The following TMEM177 variants were observed in gnomAD, a reference collection of about 807,000 sequenced individuals.
TMEM177 encodes transmembrane protein 177.
In TMEM177, 4 loss-of-function variants were observed where a neutral mutation model predicts 14.2. The observed-to-expected ratio is 0.28, with a 90% confidence interval of 0.14 to 0.64. TMEM177 has a LOEUF of 0.64. Ranked by LOEUF, TMEM177 falls within the 30% of genes least tolerant of loss-of-function variation. The pLI, the probability that TMEM177 is intolerant of heterozygous loss-of-function variation, is 0.82. For synonymous variants in TMEM177, 179 were observed against 174.5 expected (o/e 1.03, Z -0.20); for missense variants, 344 against 405.2 (o/e 0.85, Z 1.30).
At chr2:119,700,893 A>G in the TMEM177 span, among the ~76,000 whole-genome samples, 5 of 152,128 alleles carry the variant, frequency 3.3e-5, no homozygotes, top group African/African-American at 9.7e-5. Context: ...AGATCTTTAC[A>G]TGCATGCATT....
chr2:119,696,840 G>A, the TMEM177 span, among the ~76,000 whole-genome samples: 1 of 152,106 alleles, frequency 6.6e-6, no homozygotes, highest in Non-Finnish European at 1.5e-5. Context: ...GCAGGGAGAA[G>A]TGGAAATGAC....
the TMEM177 span, among the ~76,000 whole-genome samples, chr2:119,693,871 A>ACCACATATG: frequency 1.7e-3 from 1 of 574 alleles, no homozygotes; most frequent in Non-Finnish European, 3.5e-3. Flanking sequence ...CATGCCACAA[A>ACCACATATG]CACAACACAC....
At chr2:119,693,867 A>C in the TMEM177 span, among the ~76,000 whole-genome samples, 5 of 4,964 alleles carry the variant, frequency 1.0e-3, no homozygotes, top group Non-Finnish European at 2.1e-3. Context: ...ATCACATGCC[A>C]CAAACACAAC....
intron 1 of TMEM177, among the ~76,000 whole-genome samples, chr2:119,679,893 G>A (rs1688851436): frequency 2.0e-5 from 3 of 152,190 alleles, no homozygotes; most frequent in Non-Finnish European, 2.9e-5. Flanking sequence ...GCTTGCTAGA[G>A]CTGCCATGCC....
the TMEM177 span, among the ~76,000 whole-genome samples, chr2:119,715,270 C>G: frequency 6.6e-6 from 1 of 152,144 alleles, no homozygotes. Context: ...CACATGTAGT[C>G]TTAGCTCCTC....
At chr2:119,679,861 A>T (rs1688850690) in intron 1 of TMEM177, among the ~76,000 whole-genome samples, 2 of 152,228 alleles carry the variant, frequency 1.3e-5, no homozygotes, top group South Asian at 4.1e-4. Context: ...TTTGCTGTGG[A>T]CACCTGACTA....
chr2:119,699,269 G>T, the TMEM177 span, among the ~76,000 whole-genome samples: 2 of 152,124 alleles, frequency 1.3e-5, no homozygotes, highest in African/African-American at 4.8e-5. Context: ...CAAGATGGCA[G>T]GAAGAGAAGT....
chr2:119,710,225 C>T, the TMEM177 span, among the ~76,000 whole-genome samples: 5 of 152,214 alleles, frequency 3.3e-5, no homozygotes, highest in Non-Finnish European at 5.9e-5. Flanking sequence ...CCCAGCCTTG[C>T]CATCCCCTCA....
the TMEM177 span, among the ~76,000 whole-genome samples, chr2:119,717,248 T>G: frequency 6.6e-6 from 1 of 151,646 alleles, no homozygotes; most frequent in African/African-American, 2.4e-5. Flanking sequence ...GAGGATCGCT[T>G]GAACTCGGGA....
downstream of TMEM177, chr2:119,685,526 C>T (rs1409580823): frequency 1.6e-6 from 1 of 630,282 alleles, no homozygotes; most frequent in South Asian, 1.9e-5. Context: ...GTCTCCTCCC[C>T]ACCATGTCCC....
downstream of TMEM177, chr2:119,682,131 T>TTG (rs1330804177): frequency 8.4e-5 from 18 of 215,364 alleles, no homozygotes; most frequent in South Asian, 8.2e-4. Context: ...TGGTCGTTTT[T>TTG]TTTTTTTTTT....
At chr2:119,682,482 T>C (rs892436570), downstream of TMEM177, among the ~76,000 whole-genome samples, 1 of 152,170 alleles carries the variant, frequency 6.6e-6, no homozygotes, top group African/African-American at 2.4e-5. Context: ...AGTGTGGTCC[T>C]GAGAGGCTGT....
At position 119,682,091 on chromosome 2, in the gene TMEM177, C is replaced by A. The variant is rs986931642; in HGVS notation, c.*302C>A. 6.7e-5 allele frequency: 21 copies of A among 312,114 alleles called. No homozygotes were observed. Among genetic ancestry groups the A allele is most frequent in the Non-Finnish European group, 1.2e-4 (19 of 161,274 alleles). 19.3% of individuals were successfully genotyped at this position (312,114 alleles called of 1,614,324 possible). A position where few individuals can be genotyped will look rare whatever the true frequency, so the allele number is the denominator to read the frequency against. On this transcript the variant is annotated 3_prime_UTR_variant, in exon 2 of 2. Coordinates refer to ENST00000272521, the MANE Select transcript of TMEM177 (RefSeq NM_030577.3). ...ACATAAGGGCCTGGCACAAAGGGTGCACTGTAAATAAACAGACATCCCTCC... is the reference window on the plus strand; with the variant it reads ...ACATAAGGGCCTGGCACAAAGGGTGAACTGTAAATAAACAGACATCCCTCC...
chr2:119,681,542 G>A lies in TMEM177; in HGVS notation c.689G>A (p.Trp230Ter). The A allele has an allele frequency of 1.2e-6, 2 of 1,614,200 alleles. No individual in the cohort carries two copies. The highest frequency in any genetic ancestry group is 1.7e-6 in the Non-Finnish European group (2 of 1,180,046). Reference protein sequence around the residue: ...QDSLTHAVESWLDRRTASLSA... With the variant: ...QDSLTHAVES ...TCTCTCACTCATGCCGTGGAGTCCT[G>A]GCTGGACCGCCGCACGGCCTCCCTC... is the stretch of plus-strand genomic sequence containing the variant. Residue 230 changes from tryptophan to a stop codon, truncating the protein, a stop_gained, in exon 2 of 2, where the codon TGG (tryptophan) becomes TAG (stop). Transcript: ENST00000272521. LOFTEE classifies it high-confidence loss of function.
At chr2:119,717,376 A>G in the TMEM177 span, among the ~76,000 whole-genome samples, 1 of 152,018 alleles carries the variant, frequency 6.6e-6, no homozygotes, top group Admixed American at 6.5e-5. Context: ...AAGGAAAGAA[A>G]GTCTGAGACA....
At chr2:119,700,626 CA>C in the TMEM177 span, among the ~76,000 whole-genome samples, 1 of 152,182 alleles carries the variant, frequency 6.6e-6, no homozygotes, top group Non-Finnish European at 1.5e-5. Context: ...GGCCATGTTT[CA>C]AAAGGCAGCA....
downstream of TMEM177, among the ~76,000 whole-genome samples, chr2:119,688,642 G>A (rs1009563833): frequency 2.6e-5 from 4 of 151,982 alleles, no homozygotes; most frequent in East Asian, 1.9e-4. Context: ...GTTCCTCGCC[G>A]ACTGAATGTC....
chr2:119,699,541 C>T, the TMEM177 span, among the ~76,000 whole-genome samples: 5 of 152,118 alleles, frequency 3.3e-5, no homozygotes, highest in African/African-American at 7.2e-5. Flanking sequence ...GCTTCCCACC[C>T]GCAGCTAGAA....
At chr2:119,695,845 G>A in the TMEM177 span, among the ~76,000 whole-genome samples, 30 of 152,370 alleles carry the variant, frequency 2.0e-4, no homozygotes, top group South Asian at 1.4e-3. Context: ...GGCCTTGACC[G>A]TGCATCTTGC....
Sources: allele counts gnomAD v4.1 joint callset (sites outside exome capture counted in the v4.1 genomes callset), GRCh38; gene constraint gnomAD v4.1.1; transcripts MANE v1.5; gene names NCBI Gene and HGNC (gene_info 2026-07-23, HGNC 2026-07-21).